The following ECT2L variants were observed in gnomAD, a reference collection of about 807,000 sequenced individuals.
ECT2L encodes epithelial cell-transforming sequence 2 oncogene-like.
ECT2L carries 126 observed loss-of-function variants against 122.8 expected under a neutral mutation model. The ratio of observed to expected loss-of-function variants is 1.03; its 90% CI spans 0.89 to 1.19. ECT2L has a LOEUF of 1.19. ECT2L is among the 50% of genes most tolerant of loss of function. The probability of loss-of-function intolerance (pLI) is 0.00; values close to 1 mark genes in which losing one functional copy is unlikely to be tolerated. For missense variants in ECT2L, 1,012 were observed against 1,064.1 expected, an observed-to-expected ratio of 0.95 and a Z score of 0.68; for synonymous variants, 385 against 381.8, an observed-to-expected ratio of 1.01 and a Z score of -0.10.
chr6:138,826,446 G>T (rs80188209), intron 4 of ECT2L, among the ~76,000 whole-genome samples: 2,888 of 152,180 alleles, frequency 0.019, 36 homozygotes, highest in Non-Finnish European at 0.028. Flanking sequence ...CCAGCGCTTT[G>T]GGAGGCCGAG....
At chr6:138,837,360 C>T (rs79758058) in intron 4 of ECT2L, among the ~76,000 whole-genome samples, 5,853 of 152,172 alleles carry the variant, frequency 0.038, 144 homozygotes, top group African/African-American at 0.07. Context: ...CTTCTGCACA[C>T]GGCTATTGCC....
intron 19 of ECT2L, among the ~76,000 whole-genome samples, chr6:138,887,438 G>T (rs1482496225): frequency 6.6e-6 from 1 of 152,088 alleles, no homozygotes; most frequent in East Asian, 1.9e-4. Flanking sequence ...GTGTTAGCCA[G>T]GATAGTCTCG....
At chr6:138,891,571 TC>T (rs768013371) in intron 20 of ECT2L, among the ~76,000 whole-genome samples, 26 of 89,918 alleles carry the variant, frequency 2.9e-4, no homozygotes, top group Non-Finnish European at 5.1e-4. Flanking sequence ...CAATTGCCAA[TC>T]AAAAAATCTT....
At chr6:138,853,376 A>G (rs1777514298) in intron 9 of ECT2L, among the ~76,000 whole-genome samples, 1 of 152,224 alleles carries the variant, frequency 6.6e-6, no homozygotes, top group Non-Finnish European at 1.5e-5. Context: ...AAACAACATC[A>G]AAACAAAGTC....
At chr6:138,810,384 A>G (rs1218698838) in intron 1 of ECT2L, among the ~76,000 whole-genome samples, 2 of 152,222 alleles carry the variant, frequency 1.3e-5, no homozygotes, top group Non-Finnish European at 2.9e-5. Flanking sequence ...TACCCAGCAA[A>G]TACTTTGAGT....
intron 9 of ECT2L, among the ~76,000 whole-genome samples, chr6:138,851,074 T>C (rs1412890527): frequency 6.7e-6 from 1 of 148,364 alleles, no homozygotes; most frequent in Non-Finnish European, 1.5e-5. Context: ...CTGTTTTCCA[T>C]AGCAGTTGCA....
chr6:138,846,609 G>C lies in ECT2L; in HGVS notation c.835G>C (p.Asp279His), dbSNP rs758081885. ...KKNWHGVHKN[D>H]DRSSYALRPH... ...AAATTGGCATGGAGTTCATAAAAAT[G>C]ATGACAGATCTTCATATGCTCTCCG... The change falls in exon 8 of 22, where the codon GAT becomes CAT. Residue 279 changes from aspartate to histidine, a missense_variant. By Grantham distance (81) the Asp-to-His change is moderately conservative (BLOSUM62 -1). Transcript: ENST00000541398. 6.2e-7 allele frequency: 1 copy of C among 1,611,598 alleles called. No individual in the cohort carries two copies. The highest frequency in any genetic ancestry group is 1.7e-5 in the Admixed American group (1 of 59,488).
intron 10 of ECT2L, among the ~76,000 whole-genome samples, chr6:138,859,883 C>T (rs1023594689): frequency 6.6e-6 from 1 of 151,438 alleles, no homozygotes; most frequent in South Asian, 2.1e-4. Context: ...GGCGCGATCT[C>T]GGCTCACTGC....
chr6:138,829,282 T>A (rs766935653), intron 4 of ECT2L, among the ~76,000 whole-genome samples: 1 of 152,226 alleles, frequency 6.6e-6, no homozygotes, highest in Non-Finnish European at 1.5e-5. Context: ...GTGGGAAATA[T>A]TTGGTATTAG....
chr6:138,840,995 T>C (rs1416272234), intron 5 of ECT2L, among the ~76,000 whole-genome samples: 1 of 152,218 alleles, frequency 6.6e-6, no homozygotes, highest in African/African-American at 2.4e-5. Flanking sequence ...TCTTTGGACC[T>C]ATCTTTCAGT....
chr6:138,830,086 C>T (rs940243025), intron 4 of ECT2L, among the ~76,000 whole-genome samples: 3 of 152,284 alleles, frequency 2.0e-5, no homozygotes, highest in Admixed American at 6.5e-5. Context: ...TAATTCAACA[C>T]ACAATTAAGT....
At chr6:138,840,394 GTTCA>G (rs963630675) in intron 5 of ECT2L, among the ~76,000 whole-genome samples, 35 of 151,986 alleles carry the variant, frequency 2.3e-4, no homozygotes, top group African/African-American at 8.4e-4. Flanking sequence ...TTTTTCTGTA[GTTCA>G]TTTTTTTCTG....
chr6:138,862,628 G>A lies in ECT2L; in HGVS notation c.1200G>A (p.Glu400=), dbSNP rs529117983. 1 of 1,614,064 alleles carries A rather than the reference G, an allele frequency of 6.2e-7. No homozygotes were observed. Among genetic ancestry groups the A allele is most frequent in the East Asian group, 2.2e-5 (1 of 44,884 alleles). Residue 400 remains glutamate, a splice_region_variant and synonymous_variant, in exon 11 of 22, where the codon GAG becomes GAA. Coordinates refer to ENST00000541398, the MANE Select transcript of ECT2L (RefSeq NM_001077706.3). ...VDFFVPLGAS[E]AGIEVLSQLS... ...ACGAAAGTGTTTTTGACTATGCAGA[G>A]GCAGGAATTGAAGTTCTTTCCCAGC...
At chr6:138,895,183 G>GA (rs939725219) in intron 20 of ECT2L, among the ~76,000 whole-genome samples, 1 of 152,054 alleles carries the variant, frequency 6.6e-6, no homozygotes, top group Admixed American at 6.6e-5. Context: ...TGTCATTTTA[G>GA]AAAATCACAT....
intron 14 of ECT2L, among the ~76,000 whole-genome samples, chr6:138,878,336 C>T (rs541719099): frequency 1.3e-4 from 16 of 120,970 alleles, no homozygotes; most frequent in Admixed American, 3.1e-4. Context: ...CACACACATA[C>T]ATATATACAT....
intron 20 of ECT2L, among the ~76,000 whole-genome samples, chr6:138,896,873 C>T (rs1779237166): frequency 1.3e-5 from 2 of 152,014 alleles, no homozygotes; most frequent in Non-Finnish European, 2.9e-5. Flanking sequence ...GTCTCAAACT[C>T]CTGACTCTGT....
At chr6:138,842,498 G>A (rs931397675) in intron 5 of ECT2L, among the ~76,000 whole-genome samples, 26 of 150,874 alleles carry the variant, frequency 1.7e-4, no homozygotes, top group African/African-American at 2.9e-4. Flanking sequence ...AAGTCCGGGT[G>A]CGGTGGTTCA....
At chr6:138,813,048 T>C (rs1388844846) in intron 2 of ECT2L, 71 bp downstream of exon 2, 2 of 401,364 alleles carry the variant, frequency 5.0e-6, no homozygotes, top group Non-Finnish European at 8.8e-6. Context: ...GCTTATCATA[T>C]ACACAGATGA....
At chr6:138,898,666 C>T (rs1779291490) in intron 20 of ECT2L, among the ~76,000 whole-genome samples, 1 of 152,146 alleles carries the variant, frequency 6.6e-6, no homozygotes, top group Non-Finnish European at 1.5e-5. Flanking sequence ...TTAACAAAAT[C>T]ACCAGGTAAA....
Sources: gnomAD v4.1 joint callset for allele counts (sites outside exome capture counted in the v4.1 genomes callset) on GRCh38, gnomAD v4.1.1 for gene constraint, MANE v1.5 for transcripts, NCBI Gene and HGNC (gene_info 2026-07-23, HGNC 2026-07-21) for gene names.